The following RASAL2 variants were observed in gnomAD, a reference collection of about 807,000 sequenced individuals.
The protein encoded by RASAL2 is ras GTPase-activating protein nGAP.
RASAL2 carries 58 observed loss-of-function variants against 128.9 expected under a neutral mutation model. The ratio of observed to expected loss-of-function variants is 0.45; its 90% CI spans 0.36 to 0.56. The LOEUF (loss-of-function observed/expected upper bound fraction) is 0.56. RASAL2 is among the 20% of genes least tolerant of loss of function. RASAL2 has a pLI of 0.00. For synonymous variants in RASAL2, 561 were observed against 580.8 expected (o/e 0.97, Z 0.49); for missense variants, 1,360 against 1,601.6 (o/e 0.85, Z 2.57).
chr1:178,433,741 C>T (rs1219437078), intron 5 of RASAL2, among the ~76,000 whole-genome samples: 3 of 151,958 alleles, frequency 2.0e-5, no homozygotes, highest in African/African-American at 7.2e-5. Context: ...GGTAAAACCC[C>T]GTCTCTACTA....
intron 1 of RASAL2, among the ~76,000 whole-genome samples, chr1:178,138,482 C>G (rs1660409273): frequency 6.6e-6 from 1 of 152,130 alleles, no homozygotes; most frequent in South Asian, 2.1e-4. Context: ...ATAGACAGCA[C>G]TGTGTTGGTC....
chr1:178,445,375 T>C, intron 8 of RASAL2, 143 bp from the exon 9 acceptor site: 1 of 956,982 alleles, frequency 1.0e-6, no homozygotes, highest in Non-Finnish European at 1.5e-6. Context: ...CATTTTATCC[T>C]GATTGCTTTT....
intron 1 of RASAL2, among the ~76,000 whole-genome samples, chr1:178,138,620 A>G (rs1327120204): frequency 2.6e-5 from 4 of 152,158 alleles, no homozygotes; most frequent in African/African-American, 4.8e-5. Context: ...TCTGAGCTGC[A>G]TACATTTTTT....
At chr1:178,318,706 T>C (rs1197045130) in intron 3 of RASAL2, among the ~76,000 whole-genome samples, 1 of 152,038 alleles carries the variant, frequency 6.6e-6, no homozygotes, top group Non-Finnish European at 1.5e-5. Flanking sequence ...TGAGATGGGT[T>C]TCCTGAATAC....
chr1:178,271,248 A>T (rs61586681), intron 1 of RASAL2, among the ~76,000 whole-genome samples: 7,291 of 152,148 alleles, frequency 0.048, 244 homozygotes, highest in African/African-American at 0.097. Flanking sequence ...TTAACCTAGG[A>T]TTCTGTTACT....
At position 178,307,597 on chromosome 1, in the gene RASAL2, T is replaced by TA. The variant is rs1395806882; in HGVS notation, c.457+7486dup. Among the ~76,000 whole-genome samples, 5 of 152,268 alleles carry TA rather than the reference T, an allele frequency of 3.3e-5. No homozygotes were observed. In the East Asian group the frequency reaches 5.8e-4, roughly 18 times the overall value. The stretch of plus-strand genomic sequence containing the variant: ...TGTAACCTACAAATTCAACTTCTTT[T>TA]AAAAAAACCAAAGCTATCAAATAGC... On this transcript the variant is annotated intron_variant, in intron 3 of 17. Transcript: ENST00000367649.
intron 3 of RASAL2, among the ~76,000 whole-genome samples, chr1:178,356,279 C>G (rs1670807105): frequency 6.6e-6 from 1 of 151,618 alleles, no homozygotes; most frequent in African/African-American, 2.4e-5. Context: ...GCAATGGGAA[C>G]TCCTACATTG....
chr1:178,209,429 C>T (rs1663175477), intron 1 of RASAL2, among the ~76,000 whole-genome samples: 2 of 152,156 alleles, frequency 1.3e-5, no homozygotes, highest in South Asian at 2.1e-4. Context: ...TTTGGTGTAA[C>T]AGGCTTTCAG....
chr1:178,451,489 T>C (rs1210512297), intron 9 of RASAL2, 82 bp from the exon 10 acceptor site: 3 of 1,402,728 alleles, frequency 2.1e-6, no homozygotes, highest in Non-Finnish European at 2.9e-6. Context: ...TTATACGTTT[T>C]AGGACAGAAA....
At chr1:178,268,686 T>C (rs1022068157) in intron 1 of RASAL2, among the ~76,000 whole-genome samples, 15 of 152,228 alleles carry the variant, frequency 9.9e-5, no homozygotes, top group African/African-American at 3.4e-4. Flanking sequence ...CCTGAACTCC[T>C]GGACTCAAAT....
rs1648621622 is a variant in RASAL2 at position 178,475,657 on chromosome 1, CA to C, written c.*2424del. On this transcript the variant is annotated 3_prime_UTR_variant, in exon 18 of 18. Coordinates refer to ENST00000367649, the MANE Select transcript of RASAL2 (RefSeq NM_170692.4). ...TTATATTGGGAATTGAGAGAAGCCCCAAAAAATCAAATGTGCTTTTGATGGA... is the reference window on the plus strand; with the variant it reads ...TTATATTGGGAATTGAGAGAAGCCCCAAAAATCAAATGTGCTTTTGATGGA... 6.6e-6 allele frequency: 1 copy of C among 152,084 alleles called. No individual in the cohort carries two copies. The highest frequency in any genetic ancestry group is 2.1e-4 in the South Asian group (1 of 4,814). 9.4% of individuals were successfully genotyped at this position (152,084 alleles called of 1,614,324 possible).
At chr1:178,467,444 A>G in intron 17 of RASAL2, 23 bp downstream of exon 17, 1 of 1,591,194 alleles carries the variant, frequency 6.3e-7, no homozygotes, top group Admixed American at 1.7e-5. Context: ...TGAATCTAAT[A>G]GAAGGCACTT....
chr1:178,385,258 G>C (rs1672497064), intron 3 of RASAL2, among the ~76,000 whole-genome samples: 1 of 152,086 alleles, frequency 6.6e-6, no homozygotes, highest in Admixed American at 6.6e-5. Context: ...TTAGAGACTA[G>C]CCTGGGTAAG....
chr1:178,100,680 CT>C (rs1334458112), intron 1 of RASAL2, among the ~76,000 whole-genome samples: 1 of 152,098 alleles, frequency 6.6e-6, no homozygotes, highest in Admixed American at 6.5e-5. Flanking sequence ...GTTTCGGATC[CT>C]TTGTTTCATT....
intron 1 of RASAL2, among the ~76,000 whole-genome samples, chr1:178,150,564 T>C (rs1056691225): frequency 4.6e-5 from 7 of 152,298 alleles, no homozygotes; most frequent in South Asian, 2.1e-4. Flanking sequence ...TATTGTTACA[T>C]TGATGTGGAC....
At chr1:178,176,066 T>G (rs1314233927) in intron 1 of RASAL2, among the ~76,000 whole-genome samples, 1 of 152,212 alleles carries the variant, frequency 6.6e-6, no homozygotes, top group African/African-American at 2.4e-5. Context: ...TTTGGGTAGA[T>G]ACCCAGTTAA....
chr1:178,170,112 A>G (rs1661657491), intron 1 of RASAL2, among the ~76,000 whole-genome samples: 1 of 152,028 alleles, frequency 6.6e-6, no homozygotes, highest in African/African-American at 2.4e-5. Context: ...CATTGAAAAT[A>G]GGCAATCCTC....
At position 178,283,616 on chromosome 1, in the gene RASAL2, C is replaced by G. The variant is rs199969518; in HGVS notation, c.255C>G (p.Thr85=). Residue 85 remains threonine (T), a synonymous_variant, in exon 2 of 18, where the codon ACC becomes ACG. Coordinates refer to ENST00000367649, the MANE Select transcript of RASAL2 (RefSeq NM_170692.4). ...TGTCTTGTGGTCAGTCACCCTACAC[C>G]GAGACAACAACGTGGGAGCGGAAGT... is the stretch of plus-strand genomic sequence containing the variant. ...HRLSCGQSPY[T]ETTTWERKYC... 1.7e-5 allele frequency: 27 copies of G among 1,613,826 alleles called. No homozygotes were observed. The highest frequency in any genetic ancestry group is 9.9e-5 in the South Asian group (9 of 91,058).
chr1:178,290,453 C>T (rs909276104), intron 2 of RASAL2, among the ~76,000 whole-genome samples: 3 of 152,036 alleles, frequency 2.0e-5, no homozygotes, highest in Admixed American at 6.5e-5. Flanking sequence ...TACATGATTC[C>T]ATCTTTATTT....
Sources: allele counts gnomAD v4.1 joint callset (sites outside exome capture counted in the v4.1 genomes callset), GRCh38; gene constraint gnomAD v4.1.1; transcripts MANE v1.5; gene names NCBI Gene and HGNC (gene_info 2026-07-23, HGNC 2026-07-21).